ILRUN: variants seen among roughly 807,000 people sequenced by gnomAD.
ILRUN encodes inflammation and lipid regulator with UBA-like and NBR1-like domains.
ILRUN carries 3 observed loss-of-function variants against 33.8 expected under a neutral mutation model. The ratio of observed to expected loss-of-function variants is 0.09; its 90% CI spans 0.04 to 0.23. The LOEUF is 0.23. Among genes scored for constraint, ILRUN ranks in the 10% least tolerant of loss-of-function variants. The pLI is 1.00. For missense variants in ILRUN, 210 were observed against 375.1 expected (o/e 0.56, Z 3.64); for synonymous variants, 124 against 138.9 (o/e 0.89, Z 0.75).
At chr6:34,644,529 G>C (rs1045258925) in intron 3 of ILRUN, among the ~76,000 whole-genome samples, 4 of 152,064 alleles carry the variant, frequency 2.6e-5, no homozygotes, top group African/African-American at 9.7e-5. Context: ...CAGGTCAAGG[G>C]GATTCTTAGC....
At chr6:34,690,767 A>T (rs2127391151) in intron 1 of ILRUN, among the ~76,000 whole-genome samples, 1 of 105,654 alleles carries the variant, frequency 9.5e-6, no homozygotes, top group South Asian at 4.2e-4. Flanking sequence ...AAAAAGGCTT[A>T]AATTGTAGCA....
intron 1 of ILRUN, chr6:34,685,737 C>T (rs574185313): frequency 6.6e-6 from 1 of 152,130 alleles, no homozygotes; most frequent in African/African-American, 2.4e-5. Context: ...TTTTTTTCTG[C>T]CCAACTTTTA....
intron 1 of ILRUN, among the ~76,000 whole-genome samples, chr6:34,694,528 T>C (rs1449487095): frequency 6.6e-6 from 1 of 152,218 alleles, no homozygotes. Context: ...CATGTCTCTC[T>C]GACTAAACAC....
intron 1 of ILRUN, among the ~76,000 whole-genome samples, chr6:34,673,574 A>G (rs1763159351): frequency 6.6e-6 from 1 of 152,202 alleles, no homozygotes; most frequent in South Asian, 2.1e-4. Context: ...ATAATGAGAT[A>G]AACAGTAAGA....
chr6:34,669,737 A>G (rs1404320097), intron 1 of ILRUN, among the ~76,000 whole-genome samples: 1 of 152,190 alleles, frequency 6.6e-6, no homozygotes, highest in Non-Finnish European at 1.5e-5. Context: ...AACATAACAT[A>G]AATAAGTAAA....
chr6:34,610,359 G>T (rs1761723215), intron 3 of ILRUN, among the ~76,000 whole-genome samples: 1 of 152,112 alleles, frequency 6.6e-6, no homozygotes, highest in Non-Finnish European at 1.5e-5. Flanking sequence ...TCAATCCAAT[G>T]AAGTGGGACA....
intron 3 of ILRUN, among the ~76,000 whole-genome samples, chr6:34,641,891 G>C (rs996858032): frequency 1.3e-5 from 2 of 152,134 alleles, no homozygotes; most frequent in Non-Finnish European, 2.9e-5. Context: ...CATGGAAATT[G>C]AGTATTATGA....
At chr6:34,599,059 C>A (rs1352613176) in intron 4 of ILRUN, among the ~76,000 whole-genome samples, 1 of 152,182 alleles carries the variant, frequency 6.6e-6, no homozygotes, top group East Asian at 1.9e-4. Context: ...ACACTAAGTG[C>A]ATAAACTACC....
At chr6:34,644,340 C>T (rs1762528028) in intron 3 of ILRUN, among the ~76,000 whole-genome samples, 1 of 152,098 alleles carries the variant, frequency 6.6e-6, no homozygotes, top group Admixed American at 6.6e-5. Context: ...TTAAGCTCAA[C>T]ATTTTTGAGT....
At position 34,676,934 on chromosome 6, in the gene ILRUN, T is replaced by C. The variant is rs535879017; in HGVS notation, c.158+19512A>G. ...TCAAGAACCTTCAAAAGGGCATACC[T>C]TGACCTGCCAATTCCGCTTCTCGGA... On this transcript the variant is annotated intron_variant, in intron 1 of 4. Transcript: ENST00000374023. Among the ~76,000 whole-genome samples, 35 of 151,812 alleles carry C rather than the reference T, an allele frequency of 2.3e-4. No individual in the cohort carries two copies. In the South Asian group the frequency reaches 7.1e-3, roughly 31 times the overall value.
intron 1 of ILRUN, among the ~76,000 whole-genome samples, chr6:34,664,447 A>G (rs1762954675): frequency 6.6e-6 from 1 of 152,294 alleles, no homozygotes; most frequent in South Asian, 2.1e-4. Flanking sequence ...CTAGGATTAC[A>G]GGAGCATGCC....
chr6:34,612,948 C>T (rs1374547795), intron 3 of ILRUN, among the ~76,000 whole-genome samples: 1 of 151,910 alleles, frequency 6.6e-6, no homozygotes, highest in African/African-American at 2.4e-5. Context: ...GAGGCTGAGG[C>T]AGGAGAATGG....
chr6:34,683,431 T>TATATATATACGTATATATATAC (rs1763423727), intron 1 of ILRUN, among the ~76,000 whole-genome samples: 1 of 46,418 alleles, frequency 2.2e-5, no homozygotes, highest in East Asian at 7.1e-4. Flanking sequence ...TATATATACA[T>TATATATATACGTATATATATAC]ATATATATAC....
At chr6:34,653,897 A>G (rs1211916831) in intron 2 of ILRUN, among the ~76,000 whole-genome samples, 1 of 150,444 alleles carries the variant, frequency 6.6e-6, no homozygotes, top group East Asian at 2.0e-4. Context: ...CCTGAGCCCA[A>G]GAGTTTAAGG....
In ILRUN at chr6:34,592,318, A is replaced by T. The variant is rs1761309969; in HGVS notation, c.862-1718T>A. 6.6e-6 allele frequency among the ~76,000 whole-genome samples: 1 copy of T among 152,270 alleles called. No individual in the cohort carries two copies. The highest frequency in any genetic ancestry group is 2.1e-4 in the South Asian group (1 of 4,836). On this transcript the variant is annotated intron_variant, in intron 4 of 4. Transcript: ENST00000374023. This position sits in a 1 kb window ranked among gnomAD's most constrained non-coding sequence, Gnocchi z 4.0. ...GTCTCCAAGCTCAGACAGGTGAGGC[A>T]ACCTGATTAAGGGAGCAGCACTGGT...
At chr6:34,614,550 TGGGAGAGAA>T (rs1761840027) in intron 3 of ILRUN, among the ~76,000 whole-genome samples, 1 of 148,198 alleles carries the variant, frequency 6.7e-6, no homozygotes, top group African/African-American at 2.5e-5. Context: ...TACATATAAG[TGGGAGAGAA>T]GAGACAAACT....
In ILRUN at chr6:34,646,056, G is replaced by A. The variant is rs1461599599; in HGVS notation, c.511+545C>T. ...TGAGGCTACTGGATTTGGAAACAGG[G>A]TAGTCCCTGATTAACTTTCATTGGA... On this transcript the variant is annotated intron_variant, in intron 3 of 4. Coordinates refer to ENST00000374023, the MANE Select transcript of ILRUN (RefSeq NM_024294.4). This position sits in a 1 kb window ranked among gnomAD's most constrained non-coding sequence, Gnocchi z 4.9. 1.3e-5 allele frequency among the ~76,000 whole-genome samples: 2 copies of A among 152,218 alleles called. No individual in the cohort carries two copies. The highest frequency in any genetic ancestry group is 6.5e-5 in the Admixed American group (1 of 15,280).
intron 1 of ILRUN, among the ~76,000 whole-genome samples, chr6:34,675,183 A>G (rs1235107740): frequency 6.6e-6 from 1 of 152,130 alleles, no homozygotes; most frequent in Non-Finnish European, 1.5e-5. Context: ...CAGGAAGCTA[A>G]GGCAGGAGAA....
chr6:34,678,193 C>A (rs1447043789), intron 1 of ILRUN, among the ~76,000 whole-genome samples: 1 of 152,086 alleles, frequency 6.6e-6, no homozygotes, highest in Non-Finnish European at 1.5e-5. Flanking sequence ...GTGCCCACCA[C>A]CAGGCCCGGC....
Sources: gnomAD v4.1 joint callset for allele counts (sites outside exome capture counted in the v4.1 genomes callset) on GRCh38, gnomAD v4.1.1 for gene constraint, Gnocchi (gnomAD v3.1) non-coding constraint, MANE v1.5 for transcripts, NCBI Gene and HGNC (gene_info 2026-07-23, HGNC 2026-07-21) for gene names.